Variants in FHIT observed in about 807,000 individuals in gnomAD.
FHIT encodes fragile histidine triad diadenosine triphosphatase.
FHIT carries 19 observed loss-of-function variants against 17.9 expected under a neutral mutation model. That is an observed-to-expected ratio of 1.06 (90% CI 0.74 to 1.56). The LOEUF (loss-of-function observed/expected upper bound fraction) is 1.56, where lower values mean the gene tolerates loss of function less well. Among genes scored for constraint, FHIT ranks in the 40% most tolerant of loss-of-function variants. The probability of loss-of-function intolerance (pLI) is 0.00; values close to 1 mark genes in which losing one functional copy is unlikely to be tolerated. For missense variants in FHIT, 248 were observed against 189.2 expected (o/e 1.31, Z -1.82); for synonymous variants, 81 against 69.7 (o/e 1.16, Z -0.81).
chr3:59,881,041 T>C (rs990220850), intron 8 of FHIT, among the ~76,000 whole-genome samples: 13 of 152,298 alleles, frequency 8.5e-5, no homozygotes, highest in Admixed American at 5.2e-4. Context: ...AATAGATTAA[T>C]GGATGTATTC....
At position 61,249,933 on chromosome 3, in the gene FHIT, A is replaced by AACACACAC. The variant is rs71100943; in HGVS notation, c.-213+1360_-213+1367dup. Among the ~76,000 whole-genome samples the AACACACAC allele has an allele frequency of 2.9e-3, 362 of 126,094 alleles. 5 individuals carry two copies. The highest frequency in any genetic ancestry group is 8.1e-3 in the Middle Eastern group (2 of 246). The allele number at this position is 126,094 out of a possible 152,430, so 82.7% of individuals were successfully genotyped here. Reference sequence around the variant, plus strand: ...TAGAACAGCATATGCAATCAATAACAACACACACACACACACACACACACA... The same window carrying AACACACAC: ...TAGAACAGCATATGCAATCAATAACAACACACACACACACACACACACACACACACACA... On this transcript the variant is annotated intron_variant, in intron 1 of 9. Coordinates refer to ENST00000492590, the MANE Select transcript of FHIT (RefSeq NM_002012.4).
intron 5 of FHIT, among the ~76,000 whole-genome samples, chr3:60,303,664 G>T (rs942493541): frequency 1.3e-5 from 2 of 152,114 alleles, no homozygotes; most frequent in South Asian, 2.1e-4. Context: ...TGAGATAAAG[G>T]TGCCATAAGA....
intron 8 of FHIT, among the ~76,000 whole-genome samples, chr3:59,910,626 G>GT (rs1307658650): frequency 3.3e-5 from 5 of 152,034 alleles, no homozygotes; most frequent in African/African-American, 9.7e-5. Flanking sequence ...TTAGCAGGTT[G>GT]TAAGTCTCAT....
intron 5 of FHIT, among the ~76,000 whole-genome samples, chr3:60,252,133 A>G (rs2107593762): frequency 6.6e-6 from 1 of 152,326 alleles, no homozygotes; most frequent in African/African-American, 2.4e-5. Context: ...TAATTCAAAA[A>G]TATTTTTGCA....
At chr3:60,265,629 T>G (rs548763190) in intron 5 of FHIT, among the ~76,000 whole-genome samples, 1 of 151,928 alleles carries the variant, frequency 6.6e-6, no homozygotes, top group African/African-American at 2.4e-5. Flanking sequence ...ATTAATAAAG[T>G]GAGAAGACAA....
chr3:60,488,483 G>T lies in FHIT; in HGVS notation c.103+48377C>A, dbSNP rs563585005. On this transcript the variant is annotated intron_variant, in intron 5 of 9. Coordinates refer to ENST00000492590, the MANE Select transcript of FHIT (RefSeq NM_002012.4). Reference sequence around the variant, plus strand: ...CAGAAGTCATGTTAAGTAAAAGGTGGGTTACCTAGAAGCTGACAGTGTCAC... The same window carrying T: ...CAGAAGTCATGTTAAGTAAAAGGTGTGTTACCTAGAAGCTGACAGTGTCAC... Among the ~76,000 whole-genome samples, 10 of 152,228 alleles carry T rather than the reference G, an allele frequency of 6.6e-5. No homozygotes were observed. In the South Asian group the frequency reaches 2.1e-3, roughly 32 times the overall value.
chr3:60,989,430 A>T (rs2029970475), intron 3 of FHIT, among the ~76,000 whole-genome samples: 1 of 152,018 alleles, frequency 6.6e-6, no homozygotes, highest in South Asian at 2.1e-4. Flanking sequence ...GTCTTTTAAG[A>T]TATCATATTA....
At chr3:60,731,929 C>T (rs1473588311) in intron 4 of FHIT, among the ~76,000 whole-genome samples, 5 of 152,168 alleles carry the variant, frequency 3.3e-5, no homozygotes, top group African/African-American at 1.2e-4. Flanking sequence ...AACAATTACA[C>T]TTGATTGCAT....
At chr3:60,705,049 TAA>T (rs200547068) in intron 4 of FHIT, among the ~76,000 whole-genome samples, 52 of 132,780 alleles carry the variant, frequency 3.9e-4, no homozygotes, top group Middle Eastern at 3.9e-3. Context: ...ACTGTGGAAT[TAA>T]AAAAAAAAAA....
chr3:60,553,118 T>C (rs143585531), intron 4 of FHIT, among the ~76,000 whole-genome samples: 88 of 152,322 alleles, frequency 5.8e-4, no homozygotes, highest in African/African-American at 2.1e-3. Context: ...AATAATTATC[T>C]TGCTTTTATT....
intron 8 of FHIT, among the ~76,000 whole-genome samples, chr3:59,883,276 C>A (rs1039769219): frequency 6.6e-6 from 1 of 152,118 alleles, no homozygotes; most frequent in Non-Finnish European, 1.5e-5. Flanking sequence ...AGGTTATATA[C>A]ATCTGTATTA....
chr3:60,203,406 A>C (rs1380312469), intron 5 of FHIT, among the ~76,000 whole-genome samples: 1 of 152,212 alleles, frequency 6.6e-6, no homozygotes, highest in Non-Finnish European at 1.5e-5. Context: ...CAACAAAGGC[A>C]TGTAAGTCAC....
At chr3:60,182,080 G>A (rs1701964020) in intron 5 of FHIT, among the ~76,000 whole-genome samples, 1 of 152,190 alleles carries the variant, frequency 6.6e-6, no homozygotes, top group African/African-American at 2.4e-5. Context: ...AGAACGATAT[G>A]AGATAACTTC....
intron 3 of FHIT, among the ~76,000 whole-genome samples, chr3:60,881,156 C>A (rs2107126963): frequency 6.6e-6 from 1 of 152,224 alleles, no homozygotes; most frequent in African/African-American, 2.4e-5. Context: ...TTACTTGTAT[C>A]AGATAAAACA....
intron 5 of FHIT, among the ~76,000 whole-genome samples, chr3:60,489,939 C>T (rs370878373): frequency 6.6e-6 from 1 of 152,248 alleles, no homozygotes; most frequent in East Asian, 1.9e-4. Context: ...CTGTTATAAA[C>T]TGTACCTCAG....
At chr3:59,765,232 T>A (rs949522685) in intron 8 of FHIT, among the ~76,000 whole-genome samples, 1 of 152,242 alleles carries the variant, frequency 6.6e-6, no homozygotes, top group Non-Finnish European at 1.5e-5. Context: ...CTGATTGGTT[T>A]TTAAAGGACA....
At chr3:60,772,654 T>C (rs1426999127) in intron 4 of FHIT, among the ~76,000 whole-genome samples, 1 of 152,122 alleles carries the variant, frequency 6.6e-6, no homozygotes, top group Non-Finnish European at 1.5e-5. Flanking sequence ...AGGGACCAAC[T>C]GAGGGAAGGA....
At chr3:60,329,194 C>T (rs934858383) in intron 5 of FHIT, among the ~76,000 whole-genome samples, 1 of 152,104 alleles carries the variant, frequency 6.6e-6, no homozygotes, top group African/African-American at 2.4e-5. Context: ...CCTATTTATA[C>T]AAGAGATTTT....
intron 5 of FHIT, among the ~76,000 whole-genome samples, chr3:60,019,417 T>TTG (rs1700469368): frequency 6.9e-6 from 1 of 144,164 alleles, no homozygotes; most frequent in Admixed American, 6.9e-5. Flanking sequence ...AGATGCTCCT[T>TTG]TTTTTTTTTT....
Sources: gnomAD v4.1 joint callset for allele counts (sites outside exome capture counted in the v4.1 genomes callset) on GRCh38, gnomAD v4.1.1 for gene constraint, MANE v1.5 for transcripts, NCBI Gene and HGNC (gene_info 2026-07-23, HGNC 2026-07-21) for gene names.